Variants in KHDRBS2 observed in about 807,000 individuals in gnomAD.
KHDRBS2 encodes the protein KH RNA binding domain containing, signal transduction associated 2.
A neutral mutation model predicts 44.3 loss-of-function variants in KHDRBS2; 26 were observed. The observed-to-expected ratio is 0.59, with a 90% CI of 0.43 to 0.81. The LOEUF (loss-of-function observed/expected upper bound fraction) is 0.81. Among genes scored for constraint, KHDRBS2 ranks in the 40% least tolerant of loss-of-function variants. The probability of loss-of-function intolerance (pLI) is 0.00; values close to 1 mark genes in which losing one functional copy is unlikely to be tolerated. For missense variants in KHDRBS2, 476 were observed against 433.1 expected, an observed-to-expected ratio of 1.10 and a Z score of -0.88; for synonymous variants, 194 against 151.1, an observed-to-expected ratio of 1.28 and a Z score of -2.08.
In KHDRBS2 at chr6:61,852,625, A is replaced by G. The variant is rs569167224; in HGVS notation, c.810+42010T>C. Among the ~76,000 whole-genome samples, 22 of 152,220 alleles carry G rather than the reference A, an allele frequency of 1.4e-4. 1 individual carries two copies. In the South Asian group the frequency reaches 4.6e-3, roughly 32 times the overall value. ...TTCTGCTAATACCCACTGTGATTAA[A>G]GGAGGCCAAATCCATTACTGTTGAC... On this transcript the variant is annotated intron_variant, in intron 6 of 8. Transcript: ENST00000281156.
chr6:61,747,205 G>A (rs191075127), intron 6 of KHDRBS2, among the ~76,000 whole-genome samples: 89 of 152,122 alleles, frequency 5.9e-4, no homozygotes, highest in African/African-American at 2.1e-3. Flanking sequence ...AATGTTGTTG[G>A]CATCATCATA....
intron 2 of KHDRBS2, among the ~76,000 whole-genome samples, chr6:62,064,262 C>A (rs1042183563): frequency 9.4e-5 from 14 of 148,204 alleles, no homozygotes; most frequent in African/African-American, 3.0e-4. Flanking sequence ...ACTTTCTTCA[C>A]AGAATTGGAA....
intron 6 of KHDRBS2, among the ~76,000 whole-genome samples, chr6:61,826,720 C>T (rs919159468): frequency 6.6e-6 from 1 of 152,090 alleles, no homozygotes; most frequent in Non-Finnish European, 1.5e-5. Flanking sequence ...TAGGATGATT[C>T]ACTATTTCCT....
intron 2 of KHDRBS2, among the ~76,000 whole-genome samples, chr6:62,160,100 G>A (rs182073121): frequency 4.6e-5 from 7 of 152,214 alleles, no homozygotes; most frequent in Admixed American, 2.0e-4. Flanking sequence ...CAAGAAAGAT[G>A]AACTTGCCAT....
chr6:61,839,486 A>T (rs1400116566), intron 6 of KHDRBS2, among the ~76,000 whole-genome samples: 2 of 152,156 alleles, frequency 1.3e-5, no homozygotes, highest in African/African-American at 2.4e-5. Context: ...TGTGTTTAAT[A>T]GTCAACTGTA....
intron 2 of KHDRBS2, among the ~76,000 whole-genome samples, chr6:62,061,696 A>G (rs1345146798): frequency 6.6e-6 from 1 of 150,772 alleles, no homozygotes; most frequent in Non-Finnish European, 1.5e-5. Flanking sequence ...CCTTCTCTGT[A>G]TTTCCTGAAT....
At chr6:62,264,468 T>C (rs1320220135) in intron 1 of KHDRBS2, among the ~76,000 whole-genome samples, 1 of 151,796 alleles carries the variant, frequency 6.6e-6, no homozygotes, top group Non-Finnish European at 1.5e-5. Flanking sequence ...TTTCTTCCCA[T>C]AGTGATTTTC....
chr6:61,900,546 A>C (rs1386240435), intron 5 of KHDRBS2, among the ~76,000 whole-genome samples: 4 of 152,164 alleles, frequency 2.6e-5, no homozygotes, highest in African/African-American at 4.8e-5. Flanking sequence ...CTGCAAAACA[A>C]ATTCTAATAC....
At chr6:61,822,113 T>C (rs1261266867) in intron 6 of KHDRBS2, among the ~76,000 whole-genome samples, 1 of 152,060 alleles carries the variant, frequency 6.6e-6, no homozygotes, top group Non-Finnish European at 1.5e-5. Context: ...ACACCAGGTG[T>C]ATGGTTCCAA....
At chr6:62,161,224 A>G (rs757087332) in intron 2 of KHDRBS2, among the ~76,000 whole-genome samples, 20 of 152,022 alleles carry the variant, frequency 1.3e-4, no homozygotes, top group Non-Finnish European at 2.2e-4. Flanking sequence ...ATCACTTTTA[A>G]AAATCTATTC....
At chr6:62,105,818 A>G (rs1803102489) in intron 2 of KHDRBS2, among the ~76,000 whole-genome samples, 1 of 152,058 alleles carries the variant, frequency 6.6e-6, no homozygotes, top group Non-Finnish European at 1.5e-5. Context: ...GCCTTCTGCT[A>G]GCTTTTGAAT....
At chr6:62,001,105 C>T (rs765207421) in intron 3 of KHDRBS2, among the ~76,000 whole-genome samples, 34 of 152,232 alleles carry the variant, frequency 2.2e-4, no homozygotes, top group Middle Eastern at 6.8e-3. Flanking sequence ...TAGCTTCTTA[C>T]GTTCTGGTCA....
At chr6:62,197,735 A>G (rs548527504) in intron 1 of KHDRBS2, among the ~76,000 whole-genome samples, 3 of 152,296 alleles carry the variant, frequency 2.0e-5, no homozygotes, top group African/African-American at 7.2e-5. Context: ...CACCAAGCAG[A>G]CCTAATAGAC....
chr6:61,954,841 T>TATATATATGTATATATACAC (rs1402714975), intron 4 of KHDRBS2, among the ~76,000 whole-genome samples: 2 of 78,762 alleles, frequency 2.5e-5, no homozygotes, highest in African/African-American at 1.0e-4. Context: ...CATATGTATG[T>TATATATATGTATATATACAC]ATACATATGC....
the KHDRBS2 span, among the ~76,000 whole-genome samples, chr6:61,554,471 T>A: frequency 6.6e-6 from 1 of 152,222 alleles, no homozygotes; most frequent in African/African-American, 2.4e-5. Flanking sequence ...CTTGTCAATC[T>A]ACACCTTTCA....
the KHDRBS2 span, among the ~76,000 whole-genome samples, chr6:61,653,758 C>T: frequency 6.6e-6 from 1 of 151,806 alleles, no homozygotes; most frequent in Non-Finnish European, 1.5e-5. Flanking sequence ...AGTTACTTGG[C>T]TTAGAATTTA....
intron 1 of KHDRBS2, among the ~76,000 whole-genome samples, chr6:62,278,467 G>A (rs1841323847): frequency 6.6e-6 from 1 of 152,004 alleles, no homozygotes; most frequent in African/African-American, 2.4e-5. Flanking sequence ...TAAATATAGA[G>A]AATACTACTG....
chr6:61,631,158 T>C, the KHDRBS2 span, among the ~76,000 whole-genome samples: 1 of 152,004 alleles, frequency 6.6e-6, no homozygotes, highest in Non-Finnish European at 1.5e-5. Context: ...ACGAGACTTA[T>C]TCAGGACGTG....
At chr6:62,265,941 C>G (rs868402702) in intron 1 of KHDRBS2, among the ~76,000 whole-genome samples, 1 of 152,054 alleles carries the variant, frequency 6.6e-6, no homozygotes, top group Admixed American at 6.6e-5. Context: ...TGTTATCAGG[C>G]AGCTACAATA....
Sources: allele counts gnomAD v4.1 joint callset (sites outside exome capture counted in the v4.1 genomes callset), GRCh38; gene constraint gnomAD v4.1.1; transcripts MANE v1.5; gene names NCBI Gene and HGNC (gene_info 2026-07-23, HGNC 2026-07-21).